Variants in PIP4K2A observed in about 807,000 individuals in gnomAD.
PIP4K2A encodes the protein phosphatidylinositol-5-phosphate 4-kinase type 2 alpha, also known as phosphatidylinositol 5-phosphate 4-kinase type-2 alpha.
PIP4K2A carries 14 observed loss-of-function variants against 42.9 expected under a neutral mutation model. That is an observed-to-expected ratio of 0.33 (90% CI 0.22 to 0.51). The LOEUF (loss-of-function observed/expected upper bound fraction) is 0.51, where lower values mean the gene tolerates loss of function less well. PIP4K2A is among the 20% of genes least tolerant of loss of function. The pLI is 0.97. For missense variants in PIP4K2A, 434 were observed against 519.8 expected, an observed-to-expected ratio of 0.83 and a Z score of 1.61; for synonymous variants, 192 against 192.2, an observed-to-expected ratio of 1.00 and a Z score of 0.01.
chr10:22,546,028 C>A (rs1381346525), intron 7 of PIP4K2A, among the ~76,000 whole-genome samples: 2 of 152,222 alleles, frequency 1.3e-5, no homozygotes, highest in East Asian at 3.9e-4. Flanking sequence ...ATGGGAAAAA[C>A]CAAATATGGC....
intron 1 of PIP4K2A, among the ~76,000 whole-genome samples, chr10:22,643,855 C>G (rs1450151432): frequency 6.6e-6 from 1 of 152,074 alleles, no homozygotes; most frequent in African/African-American, 2.4e-5. Flanking sequence ...CTCTGAAGCA[C>G]CTACCATCAC....
chr10:22,549,838 C>CAA (rs56349240), intron 7 of PIP4K2A, among the ~76,000 whole-genome samples: 3 of 70,124 alleles, frequency 4.3e-5, no homozygotes, highest in Non-Finnish European at 7.9e-5. Flanking sequence ...GAATCCATCT[C>CAA]AAAAAAAAAA....
In PIP4K2A at chr10:22,566,475, G is replaced by A. The variant is rs541453237; in HGVS notation, c.678+1376C>T. Reference sequence around the variant, plus strand: ...TCATCCTTAACCCCCTTCCCTCTACGCACACTCCCTGGCACCTCTGGCACT... The same window carrying A: ...TCATCCTTAACCCCCTTCCCTCTACACACACTCCCTGGCACCTCTGGCACT... On this transcript the variant is annotated intron_variant, in intron 6 of 9. Transcript: ENST00000376573. Among the ~76,000 whole-genome samples, 14 of 151,982 alleles carry A rather than the reference G, an allele frequency of 9.2e-5. No homozygotes were observed. In the East Asian group the frequency reaches 1.2e-3, roughly 13 times the overall value.
intron 4 of PIP4K2A, among the ~76,000 whole-genome samples, chr10:22,588,317 T>C (rs868759824): frequency 1.3e-5 from 2 of 150,828 alleles, no homozygotes; most frequent in South Asian, 4.1e-4. Context: ...CATTCTTGTA[T>C]GTTTCTCAGC....
intron 1 of PIP4K2A, among the ~76,000 whole-genome samples, chr10:22,625,534 T>C (rs1838419962): frequency 3.3e-5 from 5 of 152,148 alleles, no homozygotes; most frequent in Admixed American, 3.3e-4. Context: ...AAGGGAGATG[T>C]TTTCAAAATA....
intron 1 of PIP4K2A, chr10:22,659,645 C>G (rs1369672153): frequency 2.0e-5 from 3 of 152,136 alleles, no homozygotes. Context: ...TTTGATTCCC[C>G]CAAGATGCTA....
intron 4 of PIP4K2A, among the ~76,000 whole-genome samples, chr10:22,588,105 AT>A (rs1446197085): frequency 2.0e-5 from 3 of 152,200 alleles, no homozygotes; most frequent in Admixed American, 6.5e-5. Context: ...TTTTGCTGAG[AT>A]GTATATGAGT....
intron 1 of PIP4K2A, among the ~76,000 whole-genome samples, chr10:22,619,113 T>C (rs993165150): frequency 6.6e-6 from 1 of 152,162 alleles, no homozygotes; most frequent in Non-Finnish European, 1.5e-5. Context: ...CAGCTCTCAT[T>C]TGGAAATAAT....
intron 7 of PIP4K2A, among the ~76,000 whole-genome samples, chr10:22,549,838 CAAAAAAAAAAAAAAAAAAAAAA>C (rs56349240): frequency 0.017 from 1,197 of 70,186 alleles, 44 homozygotes; most frequent in African/African-American, 0.06. Context: ...GAATCCATCT[CAAAAAAAAAAAAAAAAAAAAAA>C]AAAAAAAAAA....
Position 22,608,014 on chromosome 10 carries a change from C to A in PIP4K2A, c.252G>T (p.Met84Ile). Residue 84 changes from methionine (M) to isoleucine (I), a missense_variant, in exon 3 of 10, where the codon ATG (methionine) becomes ATT (isoleucine). Transcript: ENST00000376573. ...VDNHLFNKEN[M>I]PSHFKFKEYC... ...ATTCCTTAAACTTGAAATGGCTCGGCATGTTTTCTCTGAAACAGTCACAGC... is the reference window on the plus strand; with the variant it reads ...ATTCCTTAAACTTGAAATGGCTCGGAATGTTTTCTCTGAAACAGTCACAGC... 1 of 1,607,208 alleles carries A rather than the reference C, an allele frequency of 6.2e-7. No homozygotes were observed. The highest frequency in any genetic ancestry group is 8.5e-7 in the Non-Finnish European group (1 of 1,174,218).
chr10:22,612,937 G>C (rs571562791), intron 1 of PIP4K2A, among the ~76,000 whole-genome samples: 2 of 152,262 alleles, frequency 1.3e-5, no homozygotes, highest in African/African-American at 4.8e-5. Context: ...GAGTGGATGA[G>C]GTAACCTGGA....
Position 22,664,164 on chromosome 10 carries a change from T to TAC in PIP4K2A, c.144+50018_144+50019insGT, listed in dbSNP as rs1554807295. On this transcript the variant is annotated intron_variant, in intron 1 of 9. Transcript: ENST00000376573. Reference sequence around the variant, plus strand: ...ATACATATATATACACATATATATATATACATATATATATATACATATATA... The same window carrying TAC: ...ATACATATATATACACATATATATATACATACATATATATATATACATATATA... Among the ~76,000 whole-genome samples, 505 of 67,460 alleles carry TAC rather than the reference T, an allele frequency of 7.5e-3. 13 individuals carry two copies. The highest frequency in any genetic ancestry group is 0.024 in the South Asian group (73 of 3,096). 44.3% of individuals were successfully genotyped at this position (67,460 alleles called of 152,430 possible).
intron 7 of PIP4K2A, among the ~76,000 whole-genome samples, chr10:22,545,268 A>T (rs550292495): frequency 3.9e-5 from 6 of 152,382 alleles, no homozygotes; most frequent in African/African-American, 1.4e-4. Flanking sequence ...ATGAGGCAAC[A>T]GCTCTGCAAA....
intron 1 of PIP4K2A, among the ~76,000 whole-genome samples, chr10:22,627,308 A>G (rs1000635951): frequency 6.6e-6 from 1 of 152,122 alleles, no homozygotes; most frequent in African/African-American, 2.4e-5. Context: ...TTTCATCAAG[A>G]TAAAATGCAG....
At chr10:22,713,519 A>AGAAGCGCAGGGATGCCGCC (rs1389859551) in intron 1 of PIP4K2A, among the ~76,000 whole-genome samples, 1 of 152,236 alleles carries the variant, frequency 6.6e-6, no homozygotes, top group Non-Finnish European at 1.5e-5. Context: ...GCGATGCGGG[A>AGAAGCGCAGGGATGCCGCC]GAAGCGCAGG....
At position 22,641,748 on chromosome 10, in the gene PIP4K2A, C is replaced by T. The variant is rs185732980; in HGVS notation, c.145-32031G>A. ...ATAGGCCATGAGCTGCCATGAGCCC[C>T]CCATGCCCGGCCTACCTTCTCTTTT... On this transcript the variant is annotated intron_variant, in intron 1 of 9. Coordinates refer to ENST00000376573, the MANE Select transcript of PIP4K2A (RefSeq NM_005028.5). Among the ~76,000 whole-genome samples the T allele has an allele frequency of 1.3e-3, 193 of 152,194 alleles. 1 individual carries two copies. The highest frequency in any genetic ancestry group is 2.1e-3 in the Non-Finnish European group (145 of 68,004).
chr10:22,669,025 T>C (rs1369155512), intron 1 of PIP4K2A, among the ~76,000 whole-genome samples: 1 of 152,224 alleles, frequency 6.6e-6, no homozygotes, highest in Non-Finnish European at 1.5e-5. Context: ...AATTTGAACA[T>C]GTCTATGGAG....
At chr10:22,661,481 T>C (rs372956383) in intron 1 of PIP4K2A, among the ~76,000 whole-genome samples, 1 of 151,922 alleles carries the variant, frequency 6.6e-6, no homozygotes, top group East Asian at 1.9e-4. Flanking sequence ...CTCAGTCTTC[T>C]GGGTAGCTGG....
At chr10:22,643,028 T>G (rs536652476) in intron 1 of PIP4K2A, among the ~76,000 whole-genome samples, 1 of 152,234 alleles carries the variant, frequency 6.6e-6, no homozygotes, top group East Asian at 1.9e-4. Flanking sequence ...TAAGCAATTT[T>G]CAAAAGGCTC....
Sources: gnomAD v4.1 joint callset for allele counts (sites outside exome capture counted in the v4.1 genomes callset) on GRCh38, gnomAD v4.1.1 for gene constraint, MANE v1.5 for transcripts, NCBI Gene and HGNC (gene_info 2026-07-23, HGNC 2026-07-21) for gene names.